The following PLIN3 variants were observed in gnomAD, a reference collection of about 807,000 sequenced individuals.
PLIN3 encodes perilipin-3.
Under a neutral mutation model 35.9 loss-of-function variants are expected in PLIN3, and 30 were observed. That is an observed-to-expected ratio of 0.84 (90% CI 0.62 to 1.13). The LOEUF (loss-of-function observed/expected upper bound fraction) is 1.13. Among genes scored for constraint, PLIN3 ranks in the 50% most tolerant of loss-of-function variants. PLIN3 has a pLI of 0.00. For missense variants in PLIN3, 603 were observed against 596.9 expected, an observed-to-expected ratio of 1.01 and a Z score of -0.11; for synonymous variants, 261 against 262.5, an observed-to-expected ratio of 0.99 and a Z score of 0.06.
chr19:4,857,970 C>G (rs1169430503), intron 4 of PLIN3, among the ~76,000 whole-genome samples: 4 of 139,860 alleles, frequency 2.9e-5, no homozygotes, highest in African/African-American at 7.9e-5. Context: ...GAGCGAAACT[C>G]CATCTTAAAA....
At chr19:4,855,390 A>C (rs2030441820) in intron 4 of PLIN3, among the ~76,000 whole-genome samples, 1 of 152,114 alleles carries the variant, frequency 6.6e-6, no homozygotes, top group African/African-American at 2.4e-5. Context: ...AAGGGAAGCA[A>C]GGGCTTGGCC....
Position 4,838,441 on chromosome 19 carries a change from C to T in PLIN3, c.*751G>A, listed in dbSNP as rs1385561387. On this transcript the variant is annotated 3_prime_UTR_variant, in exon 8 of 8. Coordinates refer to ENST00000221957, the MANE Select transcript of PLIN3 (RefSeq NM_005817.5). The stretch of plus-strand genomic sequence containing the variant: ...AGTACCTTTCTACTCTACAATGAGG[C>T]TCAGAAGCTCAGTGTACCACCCCAT... 3 of 152,456 alleles carry T rather than the reference C, an allele frequency of 2.0e-5. 1 individual carries two copies. Among genetic ancestry groups the T allele is most frequent in the Non-Finnish European group, 4.4e-5 (3 of 68,032 alleles). 9.4% of individuals were successfully genotyped at this position (152,456 alleles called of 1,614,324 possible).
chr19:4,845,946 C>T (rs556940649), intron 6 of PLIN3, among the ~76,000 whole-genome samples: 3 of 146,618 alleles, frequency 2.0e-5, no homozygotes, highest in East Asian at 2.0e-4. Context: ...AAAAAAAGGC[C>T]GGGCGCGGTG....
chr19:4,853,574 C>A (rs1054981426), intron 4 of PLIN3, among the ~76,000 whole-genome samples: 1 of 152,084 alleles, frequency 6.6e-6, no homozygotes, highest in African/African-American at 2.4e-5. Flanking sequence ...ATCCACTTGC[C>A]TGGGCCTCCC....
chr19:4,850,069 C>A (rs1168271172), intron 5 of PLIN3, among the ~76,000 whole-genome samples: 4 of 151,750 alleles, frequency 2.6e-5, no homozygotes, highest in Non-Finnish European at 5.9e-5. Context: ...CCTCAGCCTC[C>A]CGAGTTAGCT....
intron 5 of PLIN3, among the ~76,000 whole-genome samples, chr19:4,848,111 G>A (rs1355590445): frequency 2.6e-5 from 4 of 152,124 alleles, no homozygotes; most frequent in Admixed American, 2.6e-4. Flanking sequence ...AGCCTCCCGA[G>A]TAACTGAGAT....
chr19:4,864,432 G>A (rs1440173585), intron 1 of PLIN3, among the ~76,000 whole-genome samples: 5 of 151,012 alleles, frequency 3.3e-5, no homozygotes, highest in African/African-American at 1.2e-4. Context: ...TACAGGATGA[G>A]TCACTGCACT....
At chr19:4,845,335 A>C (rs1229424872) in intron 6 of PLIN3, among the ~76,000 whole-genome samples, 1 of 152,166 alleles carries the variant, frequency 6.6e-6, no homozygotes, top group African/African-American at 2.4e-5. Flanking sequence ...CTGAGGCACG[A>C]GAATCGCTTG....
At chr19:4,840,811 G>A (rs1206290687) in intron 7 of PLIN3, among the ~76,000 whole-genome samples, 1 of 152,148 alleles carries the variant, frequency 6.6e-6, no homozygotes, top group Non-Finnish European at 1.5e-5. Context: ...CGGGTGTGGT[G>A]GCATGTGCCT....
At position 4,863,087 on chromosome 19, in the gene PLIN3, GC is replaced by G. The variant is rs1448733335; in HGVS notation, c.-17-1677del. ...CAGGAGAATCGCTTGAACCCAGGAG[GC>G]GGAGGTTGCAGTGAGGTGAGATCGC... is the stretch of plus-strand genomic sequence containing the variant. On this transcript the variant is annotated intron_variant, in intron 1 of 7. Coordinates refer to ENST00000221957, the MANE Select transcript of PLIN3 (RefSeq NM_005817.5). Among the ~76,000 whole-genome samples, 7 of 152,254 alleles carry G rather than the reference GC, an allele frequency of 4.6e-5. No homozygotes were observed. The East Asian group carries it at 1.4e-3, about 29-fold the overall frequency.
chr19:4,853,348 G>A lies in PLIN3; in HGVS notation c.349-1047C>T, dbSNP rs530478125. ...ATTTATTTATTAATTTTTTTGAGGC[G>A]GAGTTTCACTCTTGTTGCCCAGGCT... is the stretch of plus-strand genomic sequence containing the variant. On this transcript the variant is annotated intron_variant, in intron 4 of 7. Transcript: ENST00000221957. Among the ~76,000 whole-genome samples, 23 of 151,364 alleles carry A rather than the reference G, an allele frequency of 1.5e-4. No individual in the cohort carries two copies. In the East Asian group the frequency reaches 1.8e-3, roughly 12 times the overall value.
intron 4 of PLIN3, among the ~76,000 whole-genome samples, chr19:4,853,931 C>CTT (rs60685106): frequency 4.4e-4 from 63 of 142,456 alleles, no homozygotes; most frequent in South Asian, 6.7e-4. Flanking sequence ...GAATCTAAGT[C>CTT]TTTTTTTTTT....
chr19:4,858,707 T>G (rs796283783), intron 4 of PLIN3, among the ~76,000 whole-genome samples: 3 of 130,958 alleles, frequency 2.3e-5, no homozygotes, highest in African/African-American at 5.9e-5. Flanking sequence ...TTTGGTTTTT[T>G]TTTTTTTTTT....
At chr19:4,859,446 G>A (rs1435708705) in intron 4 of PLIN3, 144 bp downstream of exon 4, 2 of 711,480 alleles carry the variant, frequency 2.8e-6, no homozygotes, top group Non-Finnish European at 5.1e-6. Context: ...CCTGTGGGGA[G>A]TGGATTCGGG....
At chr19:4,855,057 C>A (rs1376360939) in intron 4 of PLIN3, among the ~76,000 whole-genome samples, 2 of 151,524 alleles carry the variant, frequency 1.3e-5, no homozygotes, top group Non-Finnish European at 2.9e-5. Flanking sequence ...CGAGACCAGC[C>A]TGGCCAACAT....
chr19:4,860,882 A>G (rs941907606), intron 2 of PLIN3, among the ~76,000 whole-genome samples: 3 of 152,068 alleles, frequency 2.0e-5, no homozygotes, highest in Non-Finnish European at 4.4e-5. Context: ...GAGGCAGGAG[A>G]ATTGCTTGAA....
chr19:4,844,968 A>G (rs1353318252), intron 6 of PLIN3, among the ~76,000 whole-genome samples, 175 bp from the exon 7 acceptor site: 2 of 152,126 alleles, frequency 1.3e-5, no homozygotes, highest in Non-Finnish European at 2.9e-5. Flanking sequence ...CTTTGGTTTA[A>G]TCATTGACAT....
rs375939911 is a variant in PLIN3, at chr19:4,857,881, C to T, written c.348+1709G>A. Among the ~76,000 whole-genome samples the T allele has an allele frequency of 1.7e-4, 26 of 151,968 alleles. No individual in the cohort carries two copies. The South Asian group carries it at 3.1e-3, about 18-fold the overall frequency. ...ATCCCAGCCACTCGGGAGGCTGAGG[C>T]GGGAGAATCGCTTGAACCTGGGAGG... On this transcript the variant is annotated intron_variant, in intron 4 of 7. Transcript: ENST00000221957.
chr19:4,865,364 C>T (rs1047595040), intron 1 of PLIN3, among the ~76,000 whole-genome samples: 1 of 151,816 alleles, frequency 6.6e-6, no homozygotes, highest in African/African-American at 2.4e-5. Flanking sequence ...TGGCTGACAC[C>T]TGTAGTCCCA....
Sources: gnomAD v4.1 joint callset for allele counts (sites outside exome capture counted in the v4.1 genomes callset) on GRCh38, gnomAD v4.1.1 for gene constraint, MANE v1.5 for transcripts, NCBI Gene and HGNC (gene_info 2026-07-23, HGNC 2026-07-21) for gene names.